The following RAB28 variants were observed in gnomAD, a reference collection of about 807,000 sequenced individuals.
RAB28 encodes ras-related protein Rab-28.
A neutral mutation model predicts 31.7 loss-of-function variants in RAB28; 24 were observed. The observed-to-expected ratio is 0.76, with a 90% CI of 0.55 to 1.06. The LOEUF is 1.06. Ranked by LOEUF, RAB28 falls within the 50% of genes least tolerant of loss-of-function variation. The pLI is 0.00. For missense variants in RAB28, 254 were observed against 258.5 expected, an observed-to-expected ratio of 0.98 and a Z score of 0.12; for synonymous variants, 100 against 90.4, an observed-to-expected ratio of 1.11 and a Z score of -0.60.
intron 4 of RAB28, among the ~76,000 whole-genome samples, chr4:13,394,232 C>T (rs1293576456): frequency 3.9e-5 from 6 of 152,072 alleles, no homozygotes; most frequent in Non-Finnish European, 8.8e-5. Flanking sequence ...CTTTTTGGCA[C>T]AAGGGACTAG....
chr4:13,465,030 T>A (rs112915530), intron 3 of RAB28, among the ~76,000 whole-genome samples: 8 of 152,020 alleles, frequency 5.3e-5, no homozygotes, highest in Non-Finnish European at 1.2e-4. Flanking sequence ...CATTGTTGGG[T>A]ACATTGCTGG....
intron 3 of RAB28, among the ~76,000 whole-genome samples, chr4:13,470,139 C>T (rs1301221027): frequency 6.6e-6 from 1 of 152,076 alleles, no homozygotes; most frequent in African/African-American, 2.4e-5. Context: ...AAAGGTTCTC[C>T]CATTCCCAAA....
At chr4:13,406,848 G>GT (rs907576929) in intron 4 of RAB28, among the ~76,000 whole-genome samples, 4 of 151,938 alleles carry the variant, frequency 2.6e-5, no homozygotes, top group African/African-American at 7.3e-5. Context: ...TGATGGGGTT[G>GT]TTTTTTTCTT....
rs139947627 is a variant in RAB28, at chr4:13,471,767, T to G, written c.261+2551A>C. ...ATTTCTCAGAAATACTGTACTAAATTATTGTTTAATAAAAACACAGTACAT... is the reference window on the plus strand; with the variant it reads ...ATTTCTCAGAAATACTGTACTAAATGATTGTTTAATAAAAACACAGTACAT... On this transcript the variant is annotated intron_variant, in intron 3 of 6. Coordinates refer to ENST00000330852, the MANE Select transcript of RAB28 (RefSeq NM_001017979.3). 2.0e-5 allele frequency among the ~76,000 whole-genome samples: 3 copies of G among 152,170 alleles called. No individual in the cohort carries two copies. The East Asian group carries it at 5.8e-4, about 29-fold the overall frequency.
chr4:13,380,183 G>A (rs1306527285), intron 5 of RAB28, among the ~76,000 whole-genome samples: 2 of 151,998 alleles, frequency 1.3e-5, no homozygotes, highest in Non-Finnish European at 2.9e-5. Context: ...CATTGTCTGA[G>A]GGGAAAGGAT....
intron 5 of RAB28, among the ~76,000 whole-genome samples, chr4:13,378,086 A>T (rs1465671543): frequency 6.6e-6 from 1 of 152,190 alleles, no homozygotes; most frequent in East Asian, 1.9e-4. Flanking sequence ...TTCAGGGGAA[A>T]AGTCTGAGCA....
chr4:13,429,465 G>T (rs1251156985), intron 4 of RAB28, among the ~76,000 whole-genome samples: 1 of 152,114 alleles, frequency 6.6e-6, no homozygotes, highest in African/African-American at 2.4e-5. Flanking sequence ...ACAAATATCA[G>T]TTTTACTTCT....
chr4:13,371,145 G>A, intron 6 of RAB28: 1 of 985,330 alleles, frequency 1.0e-6, no homozygotes, highest in Non-Finnish European at 1.2e-6. Context: ...ATAGGATGCT[G>A]AGGCATACGA....
At chr4:13,397,052 A>C (rs1729901031) in intron 4 of RAB28, among the ~76,000 whole-genome samples, 1 of 152,146 alleles carries the variant, frequency 6.6e-6, no homozygotes, top group Non-Finnish European at 1.5e-5. Context: ...GAGTGAAGAG[A>C]AATATTTTTA....
chr4:13,371,941 T>C, intron 6 of RAB28: 3 of 1,382,072 alleles, frequency 2.2e-6, no homozygotes, highest in Non-Finnish European at 1.0e-6. Flanking sequence ...GCCAAGTGTA[T>C]ACTGGAAATG....
At chr4:13,371,824 GATT>G (rs1560264540) in intron 6 of RAB28, 4 of 1,547,360 alleles carry the variant, frequency 2.6e-6, no homozygotes, top group Non-Finnish European at 1.7e-6. Context: ...AAGCACACTC[GATT>G]ATTCTCTATT....
chr4:13,371,690 A>G (rs946302358), intron 6 of RAB28: 33 of 1,507,556 alleles, frequency 2.2e-5, no homozygotes, highest in Non-Finnish European at 2.7e-5. Context: ...GAAAAACATA[A>G]TTTCCATGTC....
intron 6 of RAB28, among the ~76,000 whole-genome samples, chr4:13,372,720 A>G (rs1728762768): frequency 6.6e-6 from 1 of 152,098 alleles, no homozygotes; most frequent in Non-Finnish European, 1.5e-5. Flanking sequence ...AAAAATTAAC[A>G]TGTGGGTAAG....
intron 4 of RAB28, among the ~76,000 whole-genome samples, chr4:13,451,901 T>C (rs1019368319): frequency 6.6e-5 from 10 of 152,016 alleles, no homozygotes; most frequent in Admixed American, 5.2e-4. Flanking sequence ...TCACTGTAAA[T>C]ATGTGAATCT....
intron 4 of RAB28, among the ~76,000 whole-genome samples, chr4:13,430,928 C>T (rs1468328325): frequency 2.0e-5 from 3 of 152,188 alleles, no homozygotes; most frequent in African/African-American, 7.2e-5. Context: ...AGCAGTGACA[C>T]CCATGAAGAG....
chr4:13,395,963 A>G (rs560627307), intron 4 of RAB28, among the ~76,000 whole-genome samples: 1 of 152,206 alleles, frequency 6.6e-6, no homozygotes, highest in African/African-American at 2.4e-5. Flanking sequence ...GTATTTTAAA[A>G]AGGGAATATA....
intron 4 of RAB28, among the ~76,000 whole-genome samples, chr4:13,424,017 T>C (rs1462651547): frequency 6.6e-6 from 1 of 152,110 alleles, no homozygotes; most frequent in African/African-American, 2.4e-5. Flanking sequence ...AAATGCTCTG[T>C]CCGTTAAAAA....
intron 6 of RAB28, chr4:13,369,961 A>G: frequency 6.2e-7 from 1 of 1,611,774 alleles, no homozygotes; most frequent in Non-Finnish European, 8.5e-7. Flanking sequence ...TGCCCTGACA[A>G]TACGCTGTCA....
intron 4 of RAB28, among the ~76,000 whole-genome samples, chr4:13,390,787 A>G (rs1729592024): frequency 6.6e-6 from 1 of 152,200 alleles, no homozygotes; most frequent in African/African-American, 2.4e-5. Flanking sequence ...CAAACCTGAC[A>G]AAAACAAGCA....
Sources: allele counts gnomAD v4.1 joint callset (sites outside exome capture counted in the v4.1 genomes callset), GRCh38; gene constraint gnomAD v4.1.1; transcripts MANE v1.5; gene names NCBI Gene and HGNC (gene_info 2026-07-23, HGNC 2026-07-21).